ACOX3: variants seen among roughly 807,000 people sequenced by gnomAD.
ACOX3 encodes acyl-CoA oxidase 3, pristanoyl, also known as peroxisomal acyl-coenzyme A oxidase 3.
In ACOX3, 73 loss-of-function variants were observed where a neutral mutation model predicts 81.5. The ratio of observed to expected loss-of-function variants is 0.90; its 90% CI spans 0.74 to 1.09. The LOEUF is 1.09. Among genes scored for constraint, ACOX3 ranks in the 50% least tolerant of loss-of-function variants. The pLI, the probability that ACOX3 is intolerant of heterozygous loss-of-function variation, is 0.00. For synonymous variants in ACOX3, 387 were observed against 375.1 expected (o/e 1.03, Z -0.37); for missense variants, 947 against 928.0 (o/e 1.02, Z -0.27).
At chr4:8,433,807 A>C (rs1724079146) in intron 1 of ACOX3, among the ~76,000 whole-genome samples, 1 of 152,202 alleles carries the variant, frequency 6.6e-6, no homozygotes, top group African/African-American at 2.4e-5. Flanking sequence ...TTTGGATTTT[A>C]CTAGAGATTC....
At chr4:8,392,211 T>C in intron 11 of ACOX3, 122 bp downstream of exon 11, 2 of 1,276,476 alleles carry the variant, frequency 1.6e-6, no homozygotes, top group Non-Finnish European at 2.1e-6. Flanking sequence ...AATAAAACTT[T>C]ATTTGCAAAA....
intron 9 of ACOX3, among the ~76,000 whole-genome samples, chr4:8,395,118 A>G (rs918436707): frequency 6.6e-6 from 1 of 152,174 alleles, no homozygotes; most frequent in Admixed American, 6.5e-5. Context: ...TGAGCCTGTG[A>G]GGATGAGGCC....
intron 6 of ACOX3, 79 bp downstream of exon 6, chr4:8,410,133 G>T: frequency 6.6e-7 from 1 of 1,517,826 alleles, no homozygotes; most frequent in South Asian, 1.2e-5. Flanking sequence ...CCCTTGTTAT[G>T]ACAAAAATGA....
At chr4:8,379,058 G>A (rs1313951159) in intron 14 of ACOX3, among the ~76,000 whole-genome samples, 1 of 152,184 alleles carries the variant, frequency 6.6e-6, no homozygotes, top group African/African-American at 2.4e-5. Flanking sequence ...CCTTCCTGGG[G>A]GTGTTCTCCG....
At position 8,381,348 on chromosome 4, in the gene ACOX3, A is replaced by G. The variant is rs1158842712; in HGVS notation, c.1653+144T>C. ...GTTACAGAGGAGCTGAGCAAGCAGC[A>G]AAGTCATCAAGTCATCTGCCCAAGG... On this transcript the variant is annotated intron_variant, in intron 14 of 17. Transcript: ENST00000356406. The surrounding 1 kb of genome is among the most constrained non-coding windows in gnomAD (Gnocchi z 4.3). 5.9e-5 allele frequency: 40 copies of G among 675,252 alleles called. No homozygotes were observed. Among genetic ancestry groups the G allele is most frequent in the Non-Finnish European group, 9.5e-5 (37 of 389,488 alleles). The allele number at this position is 675,252 out of a possible 1,614,324, so 41.8% of individuals were successfully genotyped here.
intron 1 of ACOX3, among the ~76,000 whole-genome samples, chr4:8,427,884 C>T (rs1169757656): frequency 6.6e-6 from 1 of 152,226 alleles, no homozygotes; most frequent in Non-Finnish European, 1.5e-5. Context: ...TGCTGCATTC[C>T]AAATATGGTG....
At chr4:8,356,944 A>G in the ACOX3 span, 1 of 442,302 alleles carries the variant, frequency 2.3e-6, no homozygotes, top group African/African-American at 2.5e-5. Context: ...CGAGAAGAAG[A>G]AGGTGAAGTG....
Position 8,405,572 on chromosome 4 carries a change from C to T in ACOX3, c.776+383G>A, listed in dbSNP as rs982352781. Among the ~76,000 whole-genome samples the T allele has an allele frequency of 1.3e-5, 2 of 152,238 alleles. No homozygotes were observed. Among genetic ancestry groups the T allele is most frequent in the Non-Finnish European group, 2.9e-5 (2 of 68,048 alleles). On this transcript the variant is annotated intron_variant, in intron 7 of 17. Coordinates refer to ENST00000356406, the MANE Select transcript of ACOX3 (RefSeq NM_003501.3). The surrounding 1 kb of genome is among the most constrained non-coding windows in gnomAD (Gnocchi z 7.1). Reference sequence around the variant, plus strand: ...GAGGCAGAAACTGCAGATATGGGTCCCTCGAGATCAGCATGGATGTGTGCA... The same window carrying T: ...GAGGCAGAAACTGCAGATATGGGTCTCTCGAGATCAGCATGGATGTGTGCA...
At chr4:8,422,120 G>A (rs2109009658) in intron 1 of ACOX3, among the ~76,000 whole-genome samples, 1 of 152,182 alleles carries the variant, frequency 6.6e-6, no homozygotes, top group South Asian at 2.1e-4. Context: ...TATCAAGAGA[G>A]AGAATGAGAG....
chr4:8,410,520 T>G (rs1721601208), intron 5 of ACOX3, among the ~76,000 whole-genome samples, 165 bp from the exon 6 acceptor site: 1 of 152,238 alleles, frequency 6.6e-6, no homozygotes, highest in Admixed American at 6.5e-5. Flanking sequence ...CAGGCCTATT[T>G]TTTAAACACA....
In ACOX3 at chr4:8,430,645, C is replaced by T. The variant is rs187670361; in HGVS notation, c.-15+10003G>A. 3.0e-4 allele frequency among the ~76,000 whole-genome samples: 46 copies of T among 152,256 alleles called. No homozygotes were observed. The highest frequency in any genetic ancestry group is 1.0e-3 in the South Asian group (5 of 4,820). On this transcript the variant is annotated intron_variant, in intron 1 of 17. Transcript: ENST00000356406. The surrounding 1 kb of genome is among the most constrained non-coding windows in gnomAD (Gnocchi z 5.2). ...TCGAGGTGGGCAGATCACTTGAGGT[C>T]AGGAGTTTGAGACCAGCCTGGCCAA...
In ACOX3 at chr4:8,405,948, C is replaced by T; in HGVS notation, c.776+7G>A. On this transcript the variant is annotated splice_region_variant and intron_variant, in intron 7 of 17. Coordinates refer to ENST00000356406, the MANE Select transcript of ACOX3 (RefSeq NM_003501.3). The surrounding 1 kb of genome is among the most constrained non-coding windows in gnomAD (Gnocchi z 7.1). ...AAGCTCAGGGCTCAGCAGCCTCTGT[C>T]ACTCACCCATTATCCAGACCGTTCT... 1 of 1,613,696 alleles carries T rather than the reference C, an allele frequency of 6.2e-7. No homozygotes were observed. Among genetic ancestry groups the T allele is most frequent in the East Asian group, 2.2e-5 (1 of 44,880 alleles).
Position 8,389,646 on chromosome 4 carries a change from G to A in ACOX3, c.1389C>T (p.Asn463=), listed in dbSNP as rs1718726766. 3 of 1,614,114 alleles carry A rather than the reference G, an allele frequency of 1.9e-6. No individual in the cohort carries two copies. The highest frequency in any genetic ancestry group is 1.7e-4 in the Middle Eastern group (1 of 6,060). The change falls in exon 12 of 18, where the codon AAC becomes AAT. Residue 463 remains asparagine, a synonymous_variant. Transcript: ENST00000356406. This position sits in a 1 kb window ranked among gnomAD's most constrained non-coding sequence, Gnocchi z 5.3. ...GGTGTGCCAGGAGACCCAGCAAATA[G>A]TTGCTTGTCTGCTGCAGCAGGATGT... is the stretch of plus-strand genomic sequence containing the variant. ...DNNILLQQTS[N]YLLGLLAHQV... is the part of the protein sequence containing the mutation.
At position 8,374,980 on chromosome 4, in the gene ACOX3, C is replaced by G. The variant is rs200416377; in HGVS notation, c.1826G>C (p.Arg609Pro). 2.6e-6 allele frequency: 4 copies of G among 1,516,884 alleles called. No homozygotes were observed. Among genetic ancestry groups the G allele is most frequent in the African/African-American group, 1.4e-5 (1 of 72,478 alleles). The allele number at this position is 1,516,884 out of a possible 1,614,324, so 94.0% of individuals were successfully genotyped here. The change falls in exon 15 of 18, where the codon CGA becomes CCA. Residue 609 changes from arginine to proline, a missense_variant and splice_region_variant. Physicochemically the swap from Arg to Pro is moderately radical, Grantham distance 103. Transcript: ENST00000356406. ...SLSRHAALLY[R>P]GGYFSGEQAG... ...AAGCCCGCAGTCAGAAGCCTCACCTCGGTAGAGCAGGGCCGCGTGGCGGCT... is the reference window on the plus strand; with the variant it reads ...AAGCCCGCAGTCAGAAGCCTCACCTGGGTAGAGCAGGGCCGCGTGGCGGCT...
At chr4:8,383,908 C>A (rs1197135214) in intron 13 of ACOX3, among the ~76,000 whole-genome samples, 1 of 152,192 alleles carries the variant, frequency 6.6e-6, no homozygotes, top group Non-Finnish European at 1.5e-5. Flanking sequence ...GACTTATTTA[C>A]ACAGCAACAA....
intron 13 of ACOX3, among the ~76,000 whole-genome samples, chr4:8,383,985 G>A (rs1264099126): frequency 6.6e-6 from 1 of 152,148 alleles, no homozygotes; most frequent in Non-Finnish European, 1.5e-5. Flanking sequence ...AGAGGCCCCC[G>A]TGTCCCACCA....
Position 8,437,122 on chromosome 4 carries a change from T to C in ACOX3, c.-15+3526A>G. Among the ~76,000 whole-genome samples, 1 of 114,418 alleles carries C rather than the reference T, an allele frequency of 8.7e-6. No homozygotes were observed. Among genetic ancestry groups the C allele is most frequent in the South Asian group, 2.8e-4 (1 of 3,604 alleles). 75.1% of individuals were successfully genotyped at this position (114,418 alleles called of 152,430 possible). ...ATATTTACATATATATGTAAAAAAATATATGTAAATATATATATAAATATA... is the reference window on the plus strand; with the variant it reads ...ATATTTACATATATATGTAAAAAAACATATGTAAATATATATATAAATATA... On this transcript the variant is annotated intron_variant, in intron 1 of 17. Transcript: ENST00000356406. This position sits in a 1 kb window ranked among gnomAD's most constrained non-coding sequence, Gnocchi z 5.2.
chr4:8,380,025 A>C (rs940678318), intron 14 of ACOX3, among the ~76,000 whole-genome samples: 2 of 152,052 alleles, frequency 1.3e-5, no homozygotes, highest in African/African-American at 4.8e-5. Context: ...CTGGTTTCTG[A>C]ATGACCCAAC....
chr4:8,356,380 C>A, the ACOX3 span: 1 of 383,412 alleles, frequency 2.6e-6, no homozygotes, highest in Admixed American at 3.0e-5. Flanking sequence ...CTGGGACCAA[C>A]TCACGCACAG....
Sources: gnomAD v4.1 joint callset for allele counts (sites outside exome capture counted in the v4.1 genomes callset) on GRCh38, gnomAD v4.1.1 for gene constraint, Gnocchi (gnomAD v3.1) non-coding constraint, MANE v1.5 for transcripts, NCBI Gene and HGNC (gene_info 2026-07-23, HGNC 2026-07-21) for gene names.